Variants in RBFOX1 observed in about 807,000 individuals in gnomAD.
RBFOX1 encodes RNA binding fox-1 homolog 1, also known as RNA binding protein fox-1 homolog 1.
Under a neutral mutation model 57.7 loss-of-function variants are expected in RBFOX1, and 8 were observed. The observed-to-expected ratio is 0.14, with a 90% confidence interval of 0.08 to 0.25. The LOEUF (loss-of-function observed/expected upper bound fraction) is 0.25, where lower values mean the gene tolerates loss of function less well. Ranked by LOEUF, RBFOX1 falls within the 10% of genes least tolerant of loss-of-function variation. The probability of loss-of-function intolerance (pLI) is 1.00; values close to 1 mark genes in which losing one functional copy is unlikely to be tolerated. For missense variants in RBFOX1, 611 were observed against 548.5 expected (o/e 1.11, Z -1.14); for synonymous variants, 326 against 222.4 (o/e 1.47, Z -4.15).
At chr16:6,459,843 A>T (rs1778676263) in intron 2 of RBFOX1, among the ~76,000 whole-genome samples, 1 of 151,286 alleles carries the variant, frequency 6.6e-6, no homozygotes, top group African/African-American at 2.4e-5. Flanking sequence ...AATTAGCTGG[A>T]TGTGGTGGCG....
At chr16:5,368,115 G>GA (rs2065770708) in intron 1 of RBFOX1, among the ~76,000 whole-genome samples, 2 of 152,234 alleles carry the variant, frequency 1.3e-5, no homozygotes, top group Admixed American at 6.5e-5. Context: ...ATAAATGTAT[G>GA]ATGAATGGTA....
intron 9 of RBFOX1, among the ~76,000 whole-genome samples, chr16:7,601,903 C>T (rs566933666): frequency 6.6e-6 from 1 of 152,268 alleles, no homozygotes; most frequent in Middle Eastern, 3.4e-3. Flanking sequence ...TGAACCCAAA[C>T]AAAACACCTT....
At chr16:5,530,931 TATAAAAAAAAAAAAAAAAAAAAAAAAA>T (rs2044444516) in intron 2 of RBFOX1, among the ~76,000 whole-genome samples, 4,776 of 88,122 alleles carry the variant, frequency 0.054, 327 homozygotes, top group African/African-American at 0.15. Context: ...CTACTAAAAA[TATAAAAAAAAAAAAAAAAAAAAAAAAA>T]AAAAAAAAAA....
At chr16:7,222,497 A>T (rs1168928194) in intron 4 of RBFOX1, among the ~76,000 whole-genome samples, 2 of 152,166 alleles carry the variant, frequency 1.3e-5, no homozygotes, top group Non-Finnish European at 2.9e-5. Flanking sequence ...GGAAGTGACA[A>T]CCTAATGCAT....
intron 3 of RBFOX1, among the ~76,000 whole-genome samples, chr16:7,042,575 C>G (rs757729773): frequency 3.9e-5 from 6 of 152,204 alleles, no homozygotes; most frequent in Non-Finnish European, 8.8e-5. Flanking sequence ...CATTTTATGA[C>G]ATATTACAAA....
chr16:7,183,486 C>T (rs547447596), intron 4 of RBFOX1, among the ~76,000 whole-genome samples: 1 of 152,258 alleles, frequency 6.6e-6, no homozygotes, highest in African/African-American at 2.4e-5. Context: ...TGGGTTCATC[C>T]AAATTTTAGC....
chr16:7,663,766 G>A (rs2068422457), intron 12 of RBFOX1, among the ~76,000 whole-genome samples: 1 of 152,156 alleles, frequency 6.6e-6, no homozygotes, highest in African/African-American at 2.4e-5. Context: ...TAGGCATTTA[G>A]AAACAGCTTC....
In RBFOX1 at chr16:5,246,667, C is replaced by G. The variant is rs150007579; in HGVS notation, c.219+6562C>G. 3.8e-3 allele frequency among the ~76,000 whole-genome samples: 575 copies of G among 151,232 alleles called. 6 individuals carry two copies. The highest frequency in any genetic ancestry group is 0.013 in the African/African-American group (514 of 40,910). On this transcript the variant is annotated intron_variant, in intron 1 of 2. Transcript: ENST00000585867. ...TCTATGAATTAAACTTTTTAATTTT[C>G]TTTTTCTTTCTTTTTTTTTTTTTGA...
intron 3 of RBFOX1, among the ~76,000 whole-genome samples, chr16:6,853,749 A>ACTTGCG (rs1371263346): frequency 6.6e-6 from 1 of 152,160 alleles, no homozygotes; most frequent in Non-Finnish European, 1.5e-5. Flanking sequence ...AATGCGCCTC[A>ACTTGCG]CTGTGCGTGG....
chr16:6,026,778 G>A (rs1028907893), intron 1 of RBFOX1, among the ~76,000 whole-genome samples: 1 of 152,234 alleles, frequency 6.6e-6, no homozygotes, highest in Non-Finnish European at 1.5e-5. Flanking sequence ...GTTGCCCAGG[G>A]CATCTCTGGC....
chr16:6,919,835 A>G (rs1164917683), intron 3 of RBFOX1, among the ~76,000 whole-genome samples: 2 of 144,820 alleles, frequency 1.4e-5, no homozygotes, highest in African/African-American at 5.2e-5. Context: ...TTTTTGTTAA[A>G]TGGTTAAGTT....
intron 4 of RBFOX1, among the ~76,000 whole-genome samples, chr16:7,302,698 C>G (rs2096062930): frequency 6.8e-6 from 1 of 148,104 alleles, no homozygotes; most frequent in Non-Finnish European, 1.5e-5. Flanking sequence ...TATGGCTACT[C>G]TTCCTGATCA....
chr16:5,825,201 G>A (rs186226098), intron 3 of RBFOX1, among the ~76,000 whole-genome samples: 66 of 152,336 alleles, frequency 4.3e-4, no homozygotes, highest in Admixed American at 1.8e-3. Context: ...CCTTGCAAGC[G>A]TTGCTTAACT....
chr16:7,412,150 T>C (rs1008332483), intron 4 of RBFOX1, among the ~76,000 whole-genome samples: 1 of 152,032 alleles, frequency 6.6e-6, no homozygotes, highest in Non-Finnish European at 1.5e-5. Context: ...ATAGTGAAAA[T>C]TGGCTGGACA....
Position 7,589,475 on chromosome 16 carries a change from G to C in RBFOX1, c.468+2175G>C, listed in dbSNP as rs538780313. The stretch of plus-strand genomic sequence containing the variant: ...ACCATTTAAGTTTGCTGCATCCAGA[G>C]CCTGACTTTGTGAAGCTGCCTTTTT... On this transcript the variant is annotated intron_variant, in intron 7 of 15. Coordinates refer to ENST00000550418, the MANE Select transcript of RBFOX1 (RefSeq NM_018723.4). Among the ~76,000 whole-genome samples, 14 of 151,984 alleles carry C rather than the reference G, an allele frequency of 9.2e-5. No homozygotes were observed. The East Asian group carries it at 2.7e-3, about 30-fold the overall frequency.
chr16:5,646,182 A>ATTTTTTT (rs55685218), intron 3 of RBFOX1, among the ~76,000 whole-genome samples: 31 of 133,700 alleles, frequency 2.3e-4, no homozygotes, highest in African/African-American at 5.9e-4. Flanking sequence ...GGCACGTGCT[A>ATTTTTTT]TTTTTTTTTT....
At chr16:5,401,803 CCTCCTT>C (rs1297220284) in intron 1 of RBFOX1, among the ~76,000 whole-genome samples, 2 of 151,762 alleles carry the variant, frequency 1.3e-5, no homozygotes, top group Non-Finnish European at 2.9e-5. Flanking sequence ...TCTTTCTCCT[CCTCCTT>C]CTCCTTCTCG....
At chr16:7,447,891 C>G (rs998154478) in intron 4 of RBFOX1, among the ~76,000 whole-genome samples, 3 of 152,208 alleles carry the variant, frequency 2.0e-5, no homozygotes, top group Non-Finnish European at 4.4e-5. Flanking sequence ...CAGCATCAAC[C>G]CCCTGGAGGG....
chr16:6,275,204 G>A (rs769586722), intron 1 of RBFOX1, among the ~76,000 whole-genome samples: 2 of 152,022 alleles, frequency 1.3e-5, no homozygotes, highest in Non-Finnish European at 2.9e-5. Flanking sequence ...CCAGCTACTC[G>A]GGAGGCTGAG....
Sources: gnomAD v4.1 joint callset for allele counts (sites outside exome capture counted in the v4.1 genomes callset) on GRCh38, gnomAD v4.1.1 for gene constraint, MANE v1.5 for transcripts, NCBI Gene and HGNC (gene_info 2026-07-23, HGNC 2026-07-21) for gene names.